JAM2: variants seen among roughly 807,000 people sequenced by gnomAD.
The protein encoded by JAM2 is junctional adhesion molecule 2.
JAM2 carries 17 observed loss-of-function variants against 42.0 expected under a neutral mutation model. The observed-to-expected ratio is 0.40, with a 90% CI of 0.28 to 0.61. The LOEUF is 0.61. Among genes scored for constraint, JAM2 ranks in the 20% least tolerant of loss-of-function variants. JAM2 has a pLI of 0.37. For synonymous variants in JAM2, 118 were observed against 128.6 expected (o/e 0.92, Z 0.56); for missense variants, 319 against 358.3 (o/e 0.89, Z 0.89).
In JAM2 at chr21:25,639,749, G is replaced by A. The variant is rs1365804803; in HGVS notation, c.-73G>A. ...CCTTTCCCGCCCCAGAAGTTCAAGG[G>A]CCCCCGGCCTCCTGCGCTCCTGCCG... On this transcript the variant is annotated 5_prime_UTR_variant, in exon 1 of 10. Transcript: ENST00000480456. 5 of 989,008 alleles carry A rather than the reference G, an allele frequency of 5.1e-6. No homozygotes were observed. In the Admixed American group the frequency reaches 8.9e-5, roughly 18 times the overall value. 61.3% of individuals were successfully genotyped at this position (989,008 alleles called of 1,614,324 possible).
intron 5 of JAM2, 37 bp from the exon 6 acceptor site, chr21:25,702,133 A>G: frequency 8.6e-7 from 1 of 1,169,292 alleles, no homozygotes; most frequent in Middle Eastern, 2.0e-4. Flanking sequence ...TTATAGATCT[A>G]TGGCTTAAAA....
At chr21:25,710,672 C>T (rs761797322) in intron 8 of JAM2, among the ~76,000 whole-genome samples, 2 of 152,122 alleles carry the variant, frequency 1.3e-5, no homozygotes, top group Non-Finnish European at 2.9e-5. Flanking sequence ...GTGGCTGGAA[C>T]AGAATGAGAG....
chr21:25,704,061 G>GTT (rs397940878), intron 6 of JAM2, among the ~76,000 whole-genome samples: 11 of 144,698 alleles, frequency 7.6e-5, no homozygotes, highest in African/African-American at 1.2e-4. Flanking sequence ...CTACAAGACA[G>GTT]TTTTTTTTTT....
intron 1 of JAM2, among the ~76,000 whole-genome samples, chr21:25,673,187 T>C (rs528354678): frequency 7.9e-5 from 12 of 152,302 alleles, no homozygotes; most frequent in Middle Eastern, 3.4e-3. Context: ...CATTACACAA[T>C]TGAACATGTG....
intron 2 of JAM2, among the ~76,000 whole-genome samples, chr21:25,687,806 C>T (rs2033783384): frequency 6.6e-6 from 1 of 152,206 alleles, no homozygotes; most frequent in South Asian, 2.1e-4. Flanking sequence ...ATATCACCTT[C>T]TAAATAAGGT....
At position 25,705,959 on chromosome 21, in the gene JAM2, T is replaced by C. The variant is rs371543913; in HGVS notation, c.698-20T>C. ...CGTGTAATCCACATATATTTATGCG[T>C]AATTTATTTTACATTCCAGATGATC... On this transcript the variant is annotated intron_variant, in intron 6 of 9. Transcript: ENST00000480456. 1.3e-6 allele frequency: 2 copies of C among 1,504,484 alleles called. No homozygotes were observed. The highest frequency in any genetic ancestry group is 1.9e-6 in the Non-Finnish European group (2 of 1,080,076). The allele number at this position is 1,504,484 out of a possible 1,614,324, so 93.2% of individuals were successfully genotyped here.
At chr21:25,670,299 C>T (rs1033586742) in intron 1 of JAM2, among the ~76,000 whole-genome samples, 12 of 151,942 alleles carry the variant, frequency 7.9e-5, no homozygotes, top group African/African-American at 1.2e-4. Context: ...GCCTGGGCAA[C>T]GTAAAGAGAC....
intron 1 of JAM2, among the ~76,000 whole-genome samples, chr21:25,677,584 A>G (rs1023553848): frequency 3.3e-5 from 5 of 152,222 alleles, no homozygotes; most frequent in African/African-American, 1.2e-4. Flanking sequence ...AGTGTACTAA[A>G]GTTTGCCTGA....
intron 5 of JAM2, among the ~76,000 whole-genome samples, chr21:25,701,935 A>G (rs957676156): frequency 1.3e-5 from 2 of 152,224 alleles, no homozygotes; most frequent in African/African-American, 2.4e-5. Flanking sequence ...AAAAAAAAAA[A>G]AAGGAACTTC....
intron 1 of JAM2, among the ~76,000 whole-genome samples, chr21:25,647,477 C>G (rs1600988192): frequency 6.6e-6 from 1 of 152,054 alleles, no homozygotes; most frequent in East Asian, 1.9e-4. Context: ...CACCTTGCTC[C>G]AAAAAGTTAT....
intron 4 of JAM2, 40 bp from the exon 5 acceptor site, chr21:25,698,637 G>A: frequency 5.2e-6 from 8 of 1,536,166 alleles, no homozygotes; most frequent in Non-Finnish European, 7.2e-6. Context: ...ACCTTGATTA[G>A]CTTATAAATA....
intron 9 of JAM2, chr21:25,714,240 C>T (rs1470150231): frequency 7.7e-7 from 1 of 1,299,774 alleles, no homozygotes; most frequent in Non-Finnish European, 1.0e-6. Flanking sequence ...GGTGCAGTGG[C>T]TCACGCCTGT....
At chr21:25,673,479 C>G (rs2033408383) in intron 1 of JAM2, among the ~76,000 whole-genome samples, 1 of 152,178 alleles carries the variant, frequency 6.6e-6, no homozygotes, top group Non-Finnish European at 1.5e-5. Context: ...ACGGTTTATT[C>G]AAATTAGTTC....
intron 6 of JAM2, among the ~76,000 whole-genome samples, chr21:25,703,768 C>CAA (rs61230573): frequency 0.55 from 78,244 of 141,708 alleles, 22,419 homozygotes; most frequent in Non-Finnish European, 0.65. Flanking sequence ...ACTTTTTTTT[C>CAA]AAAAAAAAAA....
At chr21:25,687,816 T>G (rs1351391267) in intron 2 of JAM2, among the ~76,000 whole-genome samples, 1 of 152,226 alleles carries the variant, frequency 6.6e-6, no homozygotes, top group Admixed American at 6.5e-5. Flanking sequence ...CTAAATAAGG[T>G]GAACTCTGGC....
chr21:25,707,310 C>T (rs113220444), intron 7 of JAM2, among the ~76,000 whole-genome samples: 25 of 151,738 alleles, frequency 1.6e-4, no homozygotes, highest in African/African-American at 6.1e-4. Flanking sequence ...GGTGAAACCC[C>T]GTCTCTACTA....
chr21:25,651,537 A>T (rs1414380728), intron 1 of JAM2, among the ~76,000 whole-genome samples: 1 of 152,230 alleles, frequency 6.6e-6, no homozygotes, highest in East Asian at 1.9e-4. Flanking sequence ...GAAAAATTCT[A>T]CATCTAGCCT....
chr21:25,693,448 A>G (rs913900073), intron 3 of JAM2, among the ~76,000 whole-genome samples: 5 of 152,022 alleles, frequency 3.3e-5, no homozygotes, highest in African/African-American at 1.2e-4. Context: ...TAGTAGAGAC[A>G]GGGTTTCACC....
At position 25,639,881 on chromosome 21, in the gene JAM2, C is replaced by T; in HGVS notation, c.60C>T (p.Ala20=). The change falls in exon 1 of 10, where the codon GCC becomes GCT. Residue 20 remains alanine (A), a synonymous_variant. Transcript: ENST00000480456. The part of the protein sequence containing the change: ...LLLLLRYLVV[A]LGYHKAYGFS... Reference sequence around the variant, plus strand: ...TGCTGCTGCGCTACCTGGTGGTCGCCCTGGGCTGTAAGTTGCTCGGGTTCC... The same window carrying T: ...TGCTGCTGCGCTACCTGGTGGTCGCTCTGGGCTGTAAGTTGCTCGGGTTCC... 3.1e-6 allele frequency: 5 copies of T among 1,591,086 alleles called. No homozygotes were observed. The highest frequency in any genetic ancestry group is 4.3e-6 in the Non-Finnish European group (5 of 1,169,528).
Sources: allele counts gnomAD v4.1 joint callset (sites outside exome capture counted in the v4.1 genomes callset), GRCh38; gene constraint gnomAD v4.1.1; transcripts MANE v1.5; gene names NCBI Gene and HGNC (gene_info 2026-07-23, HGNC 2026-07-21).